Variants in ARHGEF7 observed in about 807,000 individuals in gnomAD.
The protein encoded by ARHGEF7 is PAK-interacting exchange factor beta.
Under a neutral mutation model 109.8 loss-of-function variants are expected in ARHGEF7, and 33 were observed. The observed-to-expected ratio is 0.30, with a 90% confidence interval of 0.23 to 0.40. The LOEUF (loss-of-function observed/expected upper bound fraction) is 0.40, where lower values mean the gene tolerates loss of function less well. Ranked by LOEUF, ARHGEF7 falls within the 10% of genes least tolerant of loss-of-function variation. The pLI is 1.00. For missense variants in ARHGEF7, 938 were observed against 1,098.5 expected (o/e 0.85, Z 2.07); for synonymous variants, 458 against 424.6 (o/e 1.08, Z -0.97).
At chr13:111,280,173 C>A in intron 13 of ARHGEF7, 99 bp from the exon 14 acceptor site, 1 of 1,255,932 alleles carries the variant, frequency 8.0e-7, no homozygotes, top group Non-Finnish European at 1.1e-6. Context: ...ACAGTTCCTC[C>A]ACCAATTCTA....
intron 2 of ARHGEF7, among the ~76,000 whole-genome samples, chr13:111,178,685 G>C (rs1232294306): frequency 6.6e-6 from 1 of 152,216 alleles, no homozygotes; most frequent in Non-Finnish European, 1.5e-5. Context: ...GGCAGCTGCC[G>C]GTACCCACCC....
intron 2 of ARHGEF7, among the ~76,000 whole-genome samples, chr13:111,187,503 T>G (rs1436967807): frequency 6.6e-6 from 1 of 152,252 alleles, no homozygotes; most frequent in African/African-American, 2.4e-5. Context: ...TAATTTCCTT[T>G]TTTTGTTTAA....
chr13:111,259,683 A>G (rs1023165832), intron 8 of ARHGEF7, among the ~76,000 whole-genome samples: 6 of 152,206 alleles, frequency 3.9e-5, no homozygotes, highest in South Asian at 2.1e-4. Flanking sequence ...GAAGACTACA[A>G]TAAACACCTA....
chr13:111,204,724 C>T (rs940744333), intron 2 of ARHGEF7, among the ~76,000 whole-genome samples: 2 of 152,150 alleles, frequency 1.3e-5, no homozygotes, highest in African/African-American at 4.8e-5. Context: ...GGCCTCAGAG[C>T]TCTGAGGGTG....
intron 19 of ARHGEF7, 128 bp from the exon 20 acceptor site, chr13:111,300,620 G>T: frequency 3.2e-6 from 2 of 622,858 alleles, no homozygotes; most frequent in Non-Finnish European, 5.4e-6. Context: ...AGCTTGCCTG[G>T]ATGAACGTTT....
At chr13:111,178,245 C>T (rs544559388) in intron 2 of ARHGEF7, among the ~76,000 whole-genome samples, 53 of 152,296 alleles carry the variant, frequency 3.5e-4, no homozygotes, top group Non-Finnish European at 6.9e-4. Context: ...CCCTTATGTC[C>T]TGGGAACCAG....
chr13:111,130,478 A>C (rs2074684960), intron 1 of ARHGEF7, among the ~76,000 whole-genome samples: 1 of 152,214 alleles, frequency 6.6e-6, no homozygotes, highest in African/African-American at 2.4e-5. Flanking sequence ...TAGAAAATGT[A>C]TAGAATTTTA....
chr13:111,189,684 C>T (rs115242764), intron 2 of ARHGEF7, among the ~76,000 whole-genome samples: 3,003 of 152,254 alleles, frequency 0.02, 99 homozygotes, highest in African/African-American at 0.068. Context: ...TATTTGGCCT[C>T]GGCCACATCC....
At chr13:111,260,914 A>C (rs571127190) in intron 8 of ARHGEF7, among the ~76,000 whole-genome samples, 3 of 152,332 alleles carry the variant, frequency 2.0e-5, no homozygotes, top group Non-Finnish European at 4.4e-5. Context: ...TACACAATCA[A>C]TGTTGTCATT....
intron 3 of ARHGEF7, among the ~76,000 whole-genome samples, chr13:111,207,192 A>G (rs117722529): frequency 0.014 from 2,121 of 152,210 alleles, 30 homozygotes; most frequent in South Asian, 0.024. Flanking sequence ...TTATGGAGGC[A>G]GGGTCTTGCT....
At chr13:111,293,739 C>T in intron 19 of ARHGEF7, 1 of 985,436 alleles carries the variant, frequency 1.0e-6, no homozygotes, top group African/African-American at 1.7e-5. Flanking sequence ...TTCAGGGTGG[C>T]TGTAATTCCA....
chr13:111,156,471 A>C (rs866094003), intron 2 of ARHGEF7, among the ~76,000 whole-genome samples: 8 of 152,270 alleles, frequency 5.3e-5, no homozygotes, highest in Non-Finnish European at 1.2e-4. Context: ...ATTACCTAGG[A>C]GATAATAAAA....
At chr13:111,224,385 C>T (rs1466811402) in intron 5 of ARHGEF7, among the ~76,000 whole-genome samples, 1 of 152,228 alleles carries the variant, frequency 6.6e-6, no homozygotes, top group African/African-American at 2.4e-5. Context: ...GAACACACCT[C>T]GTGCTCTGTG....
At chr13:111,209,845 C>G in intron 3 of ARHGEF7, 27 bp from the exon 4 acceptor site, 1 of 1,610,190 alleles carries the variant, frequency 6.2e-7, no homozygotes, top group South Asian at 1.1e-5. Context: ...TCTCAGCTCT[C>G]TTTTTCTGTG....
chr13:111,154,543 A>G (rs903912305), intron 2 of ARHGEF7, among the ~76,000 whole-genome samples: 12 of 152,186 alleles, frequency 7.9e-5, no homozygotes, highest in Non-Finnish European at 1.8e-4. Context: ...CGTACCCTCA[A>G]CACTTAATGT....
At chr13:111,256,310 CAG>C (rs2090416882) in intron 8 of ARHGEF7, among the ~76,000 whole-genome samples, 1 of 152,206 alleles carries the variant, frequency 6.6e-6, no homozygotes, top group Non-Finnish European at 1.5e-5. Context: ...TAGGGAGGCA[CAG>C]TGATTGGAAC....
intron 17 of ARHGEF7, 100 bp downstream of exon 17, chr13:111,286,340 T>C: frequency 3.1e-6 from 3 of 967,140 alleles, no homozygotes; most frequent in Non-Finnish European, 4.9e-6. Context: ...TTCTGAAGAC[T>C]CCAAACAAAA....
At chr13:111,231,381 C>T (rs2086028670) in intron 5 of ARHGEF7, among the ~76,000 whole-genome samples, 1 of 152,106 alleles carries the variant, frequency 6.6e-6, no homozygotes, top group African/African-American at 2.4e-5. Context: ...GTTTTCCATC[C>T]TGTGGGCAGA....
chr13:111,275,525 CTG>C lies in ARHGEF7; in HGVS notation c.1273-5_1273-4del. On this transcript the variant is annotated splice_region_variant and splice_polypyrimidine_tract_variant and intron_variant, in intron 11 of 21. Coordinates refer to ENST00000646102, the MANE Select transcript of ARHGEF7 (RefSeq NM_001354046.2). ...GTCTGTTAACAGTGTTGTTCTGTGT[CTG>C]TCAGGCCCAATGTCAAGAAGTCCGG... 6.2e-7 allele frequency: 1 copy of C among 1,613,708 alleles called. No individual in the cohort carries two copies. The highest frequency in any genetic ancestry group is 1.1e-5 in the South Asian group (1 of 91,050).
Sources: gnomAD v4.1 joint callset for allele counts (sites outside exome capture counted in the v4.1 genomes callset) on GRCh38, gnomAD v4.1.1 for gene constraint, MANE v1.5 for transcripts, NCBI Gene and HGNC (gene_info 2026-07-23, HGNC 2026-07-21) for gene names.